Variants in CELF2 observed in about 807,000 individuals in gnomAD.
The protein encoded by CELF2 is CUGBP Elav-like family member 2.
In CELF2, 8 loss-of-function variants were observed where a neutral mutation model predicts 62.6. That is an observed-to-expected ratio of 0.13 (90% CI 0.07 to 0.23). The LOEUF (loss-of-function observed/expected upper bound fraction) is 0.23. CELF2 is among the 10% of genes least tolerant of loss of function. The probability of loss-of-function intolerance (pLI) is 1.00; values close to 1 mark genes in which losing one functional copy is unlikely to be tolerated. For missense variants in CELF2, 333 were observed against 671.0 expected, an observed-to-expected ratio of 0.50 and a Z score of 5.56; for synonymous variants, 258 against 250.0, an observed-to-expected ratio of 1.03 and a Z score of -0.30.
the CELF2 span, among the ~76,000 whole-genome samples, chr10:10,732,134 C>T: frequency 2.0e-5 from 3 of 152,280 alleles, no homozygotes; most frequent in South Asian, 4.1e-4. Flanking sequence ...AAGCTACTAG[C>T]TACAAACTCT....
chr10:10,660,343 G>C, the CELF2 span, among the ~76,000 whole-genome samples: 1 of 152,186 alleles, frequency 6.6e-6, no homozygotes, highest in Admixed American at 6.5e-5. Flanking sequence ...AATTGCCCAA[G>C]TGATAGTGTG....
chr10:11,236,374 A>G (rs757692975), intron 3 of CELF2, among the ~76,000 whole-genome samples: 4 of 152,262 alleles, frequency 2.6e-5, no homozygotes, highest in African/African-American at 9.6e-5. Flanking sequence ...ATAAGCATCA[A>G]TAACATTAAC....
intron 2 of CELF2, among the ~76,000 whole-genome samples, chr10:10,921,520 G>A (rs556742331): frequency 1.3e-5 from 2 of 152,264 alleles, no homozygotes; most frequent in East Asian, 3.9e-4. Flanking sequence ...CACCTGTCTC[G>A]GCCTCCCAAG....
chr10:11,329,151 T>G lies in CELF2; in HGVS notation c.*98T>G. ...CAGGGAAGGCAGAGGAGGACCACAT[T>G]GCCAACTTTTACCAAGAGAGACGGT... is the stretch of plus-strand genomic sequence containing the variant. On this transcript the variant is annotated 3_prime_UTR_variant, in exon 13 of 13. Transcript: ENST00000633077. This position sits in a 1 kb window ranked among gnomAD's most constrained non-coding sequence, Gnocchi z 5.5. The G allele has an allele frequency of 7.7e-7, 1 of 1,300,464 alleles. No homozygotes were observed. Among genetic ancestry groups the G allele is most frequent in the South Asian group, 1.7e-5 (1 of 60,454 alleles). The allele number at this position is 1,300,464 out of a possible 1,614,324, so 80.6% of individuals were successfully genotyped here.
intron 2 of CELF2, among the ~76,000 whole-genome samples, chr10:11,215,645 C>T (rs1448278887): frequency 6.6e-6 from 1 of 151,838 alleles, no homozygotes; most frequent in Admixed American, 6.6e-5. Flanking sequence ...CAGAACTTCC[C>T]CACTGCTTCC....
chr10:11,183,449 CAGCT>C (rs1349584851), intron 2 of CELF2, among the ~76,000 whole-genome samples: 1 of 152,212 alleles, frequency 6.6e-6, no homozygotes, highest in Non-Finnish European at 1.5e-5. Flanking sequence ...TTTTGTCGCT[CAGCT>C]AGACACCTTA....
chr10:10,887,850 C>A (rs1357566153), intron 1 of CELF2, among the ~76,000 whole-genome samples: 1 of 151,788 alleles, frequency 6.6e-6, no homozygotes, highest in Non-Finnish European at 1.5e-5. Flanking sequence ...CGGCTCACTG[C>A]AACCTCCACC....
Position 10,949,375 on chromosome 10 carries a change from G to A in CELF2, c.89+29376G>A, listed in dbSNP as rs143760711. 9.6e-4 allele frequency among the ~76,000 whole-genome samples: 146 copies of A among 152,238 alleles called. 1 individual carries two copies. Among genetic ancestry groups the A allele is most frequent in the African/African-American group, 2.5e-3 (102 of 41,550 alleles). ...CTCTAGTGATCTCCCCAGACCTGGC[G>A]TCACCACTGTGGATAAGAGAGATGG... On this transcript the variant is annotated intron_variant, in intron 2 of 13. Coordinates refer to the CELF2 transcript ENST00000636488.
At chr10:11,070,545 G>A (rs2069585463) in intron 1 of CELF2, among the ~76,000 whole-genome samples, 1 of 152,174 alleles carries the variant, frequency 6.6e-6, no homozygotes, top group African/African-American at 2.4e-5. Flanking sequence ...CCGGCTGGAG[G>A]TGTGGAGTTG....
chr10:10,625,132 A>T, the CELF2 span, among the ~76,000 whole-genome samples: 6 of 151,838 alleles, frequency 4.0e-5, no homozygotes, highest in African/African-American at 4.8e-5. Context: ...CAGTTTAATT[A>T]GATAGGAACT....
rs1026252440 is a variant in CELF2 at position 11,117,406 on chromosome 10, C to T, written c.75-48080C>T. On this transcript the variant is annotated intron_variant, in intron 1 of 12. Coordinates refer to ENST00000633077, the MANE Select transcript of CELF2 (RefSeq NM_001326342.2). The surrounding 1 kb of genome is among the most constrained non-coding windows in gnomAD (Gnocchi z 4.1). The stretch of plus-strand genomic sequence containing the variant: ...CTGTAGAAATTGGTTAGGTATCATT[C>T]GAAAAAGCCAGTGGCTCTCCAGGAA... Among the ~76,000 whole-genome samples the T allele has an allele frequency of 5.3e-5, 8 of 152,130 alleles. No individual in the cohort carries two copies. Among genetic ancestry groups the T allele is most frequent in the East Asian group, 1.9e-4 (1 of 5,188 alleles).
At chr10:11,289,543 A>G (rs1040137035) in intron 9 of CELF2, among the ~76,000 whole-genome samples, 7 of 152,204 alleles carry the variant, frequency 4.6e-5, no homozygotes, top group Admixed American at 6.5e-5. Context: ...AACATTGTGT[A>G]TCTAAGACAT....
intron 1 of CELF2, among the ~76,000 whole-genome samples, chr10:11,120,825 T>TA (rs541552131): frequency 8.1e-4 from 123 of 152,336 alleles, no homozygotes; most frequent in African/African-American, 2.8e-3. Context: ...TAGTGAGACT[T>TA]ACGGCAGCAC....
In CELF2 at chr10:11,288,447, G is replaced by A. The variant is rs778728931; in HGVS notation, c.871G>A (p.Ala291Thr). 6.2e-7 allele frequency: 1 copy of A among 1,614,104 alleles called. No homozygotes were observed. Among genetic ancestry groups the A allele is most frequent in the Non-Finnish European group, 8.5e-7 (1 of 1,180,044 alleles). ...GMNALQLQNL[A>T]TLAAAAAAAQ... ...GAATGCTTTACAGTTGCAGAACCTG[G>A]CGACGCTGGCTGCTGCTGCAGCTGC... Residue 291 changes from alanine (A) to threonine (T), a missense_variant, in exon 9 of 13, where the codon GCG (alanine) becomes ACG (threonine). Physicochemically the swap from Ala to Thr is moderately conservative, Grantham distance 58. This residue lies in a region of CELF2 where 253 missense variants were observed against 503.0 expected (regional missense o/e 0.50). Coordinates refer to ENST00000633077, the MANE Select transcript of CELF2 (RefSeq NM_001326342.2).
intron 5 of CELF2, 104 bp from the exon 6 acceptor site, chr10:11,266,494 G>A: frequency 2.6e-6 from 2 of 756,172 alleles, no homozygotes; most frequent in Non-Finnish European, 2.3e-6. Context: ...GAACAGTGTC[G>A]TCTTGTGGCA....
At position 10,938,738 on chromosome 10, in the gene CELF2, G is replaced by C. The variant is rs1010397319; in HGVS notation, c.89+18739G>C. ...AGGGAGGGGGATGTGAGACAGGAAT[G>C]GGGGAGGTCAGCAAAGCCTGAGTGT... On this transcript the variant is annotated intron_variant, in intron 2 of 13. Coordinates refer to the CELF2 transcript ENST00000636488. This position sits in a 1 kb window ranked among gnomAD's most constrained non-coding sequence, Gnocchi z 4.2. Among the ~76,000 whole-genome samples the C allele has an allele frequency of 2.6e-5, 4 of 152,144 alleles. No homozygotes were observed. The highest frequency in any genetic ancestry group is 1.9e-4 in the East Asian group (1 of 5,196).
chr10:11,283,990 T>TGGGG, intron 8 of CELF2, among the ~76,000 whole-genome samples: 3 of 130,402 alleles, frequency 2.3e-5, no homozygotes, highest in Middle Eastern at 6.5e-3. Context: ...GAGTGTGTGG[T>TGGGG]GAGTGGATGA....
intron 1 of CELF2, among the ~76,000 whole-genome samples, chr10:11,154,682 T>A (rs1475414130): frequency 6.6e-6 from 1 of 152,226 alleles, no homozygotes; most frequent in Admixed American, 6.5e-5. Flanking sequence ...ATCACTGTCA[T>A]CTCTTTGGGG....
At chr10:10,898,602 T>G (rs2062726530) in intron 1 of CELF2, among the ~76,000 whole-genome samples, 1 of 152,088 alleles carries the variant, frequency 6.6e-6, no homozygotes, top group Non-Finnish European at 1.5e-5. Context: ...CTGTTGAAAA[T>G]AATAACATAT....
Sources: gnomAD v4.1 joint callset for allele counts (sites outside exome capture counted in the v4.1 genomes callset) on GRCh38, gnomAD v4.1.1 for gene constraint, gnomAD v4.1.1 regional missense constraint, Gnocchi (gnomAD v3.1) non-coding constraint, MANE v1.5 for transcripts, NCBI Gene and HGNC (gene_info 2026-07-23, HGNC 2026-07-21) for gene names.